Variants in TCP1 observed in about 807,000 individuals in gnomAD.
TCP1 encodes the protein T-complex protein 1 subunit alpha.
In TCP1, 6 loss-of-function variants were observed where a neutral mutation model predicts 54.7. That is an observed-to-expected ratio of 0.11 (90% CI 0.06 to 0.22). The LOEUF (loss-of-function observed/expected upper bound fraction) is 0.22, where lower values mean the gene tolerates loss of function less well. Ranked by LOEUF, TCP1 falls within the 10% of genes least tolerant of loss-of-function variation. The pLI is 1.00. For missense variants in TCP1, 511 were observed against 678.2 expected, an observed-to-expected ratio of 0.75 and a Z score of 2.74; for synonymous variants, 225 against 229.7, an observed-to-expected ratio of 0.98 and a Z score of 0.19.
intron 3 of TCP1, among the ~76,000 whole-genome samples, chr6:159,787,149 G>A (rs1241971184): frequency 6.6e-6 from 1 of 151,820 alleles, no homozygotes; most frequent in Admixed American, 6.6e-5. Flanking sequence ...AGCACTCTGG[G>A]AGGCTAAGGC....
chr6:159,789,336 G>T, intron 1 of TCP1, 69 bp downstream of exon 1: 1 of 1,583,494 alleles, frequency 6.3e-7, no homozygotes, highest in Non-Finnish European at 8.6e-7. Context: ...GAGGGCAGCC[G>T]GGGTCCGGTC....
At position 159,780,132 on chromosome 6, in the gene TCP1, ATTT is replaced by A. The variant is rs752669563; in HGVS notation, c.1098-48_1098-46del. On this transcript the variant is annotated intron_variant, in intron 9 of 11. Transcript: ENST00000321394. ...AATTCTTGTAATAGCATTTTTAAAA[ATTT>A]TTTTTTGCCAAGACCATCAATTTCT... The A allele has an allele frequency of 5.7e-6, 9 of 1,569,484 alleles. No homozygotes were observed. In the South Asian group the frequency reaches 5.9e-5, roughly 10 times the overall value.
chr6:159,784,932 TC>T, intron 5 of TCP1, 85 bp from the exon 6 acceptor site: 1 of 1,315,900 alleles, frequency 7.6e-7, no homozygotes, highest in Non-Finnish European at 1.1e-6. Flanking sequence ...TCAAGGGACT[TC>T]CTTTTAGTAA....
At chr6:159,789,014 A>C in intron 1 of TCP1, 2 of 188,842 alleles carry the variant, frequency 1.1e-5, no homozygotes, top group East Asian at 1.4e-4. Flanking sequence ...TTTTTCTGGT[A>C]AATGGTCCTA....
chr6:159,782,858 C>T (rs1780609026), intron 7 of TCP1, among the ~76,000 whole-genome samples: 1 of 152,150 alleles, frequency 6.6e-6, no homozygotes, highest in Non-Finnish European at 1.5e-5. Flanking sequence ...AGCCTTCCAT[C>T]CCCGAAAGCA....
At position 159,779,700 on chromosome 6, in the gene TCP1, T is replaced by C; in HGVS notation, c.1381A>G (p.Thr461Ala). ...TLAVNAAQDS[T>A]DLVAKLRAFH... is the part of the protein sequence containing the mutation. ...GCTCTTAATTTTGCAACCAGATCTG[T>C]GGAGTCCTGGGCAGCATTAACTGCT... The change falls in exon 11 of 12, where the codon ACA becomes GCA. Residue 461 changes from threonine (T) to alanine (A), a missense_variant. By Grantham distance (58) the Thr-to-Ala change is moderately conservative. Around this residue, in one of 5 missense-constraint regions of TCP1, gnomAD observed 88 missense variants for 153.1 expected, o/e 0.57. Coordinates refer to ENST00000321394, the MANE Select transcript of TCP1 (RefSeq NM_030752.3). The C allele has an allele frequency of 6.2e-7, 1 of 1,613,482 alleles. No individual in the cohort carries two copies. Among genetic ancestry groups the C allele is most frequent in the South Asian group, 1.1e-5 (1 of 90,948 alleles).
chr6:159,789,288 G>T, intron 1 of TCP1, 117 bp downstream of exon 1: 2 of 1,208,640 alleles, frequency 1.7e-6, no homozygotes, highest in Non-Finnish European at 2.3e-6. Flanking sequence ...CGGCTGCGGG[G>T]CCCCGAGGCC....
Position 159,779,642 on chromosome 6 carries a change from C to A in TCP1, c.1439G>T (p.Arg480Leu). The A allele has an allele frequency of 6.2e-7, 1 of 1,602,094 alleles. No individual in the cohort carries two copies. Among genetic ancestry groups the A allele is most frequent in the African/African-American group, 1.4e-5 (1 of 74,034 alleles). Residue 480 changes from arginine to leucine, a missense_variant, in exon 11 of 12, where the codon CGT becomes CTT. Physicochemically the swap from Arg to Leu is moderately radical, Grantham distance 102. This residue lies in a region of TCP1 where 88 missense variants were observed against 153.1 expected (regional missense o/e 0.57). Transcript: ENST00000321394. Reference sequence around the variant, plus strand: ...CCATGCTTACCATTTTAGATTTTTACGTTCTGGGTTAACCTGGGCCTCATT... The same window carrying A: ...CCATGCTTACCATTTTAGATTTTTAAGTTCTGGGTTAACCTGGGCCTCATT... ...FHNEAQVNPERKNLKWIGLDL... is the reference protein window; with the variant it reads ...FHNEAQVNPELKNLKWIGLDL...
In TCP1 at chr6:159,789,488, G is replaced by C. The variant is rs199675803; in HGVS notation, c.-20C>G. On this transcript the variant is annotated 5_prime_UTR_variant, in exon 1 of 12. Coordinates refer to ENST00000321394, the MANE Select transcript of TCP1 (RefSeq NM_030752.3). ...CTCCATCTTGACGGCAGCGATACAC[G>C]TCGAATTCTGCTTACACCGCGGGCA... 5.0e-6 allele frequency: 8 copies of C among 1,613,744 alleles called. No individual in the cohort carries two copies. The Admixed American group carries it at 1.3e-4, about 27-fold the overall frequency.
chr6:159,779,481 T>G lies in TCP1; in HGVS notation c.1454+146A>C, dbSNP rs562137987. 12 of 1,186,828 alleles carry G rather than the reference T, an allele frequency of 1.0e-5. No homozygotes were observed. The East Asian group carries it at 2.9e-4, about 29-fold the overall frequency. The allele number at this position is 1,186,828 out of a possible 1,614,324, so 73.5% of individuals were successfully genotyped here. ...TCATTATCCCTTGAATTACAGTGAC[T>G]GAACAACAAATGCTTGCTGTGAAGT... On this transcript the variant is annotated intron_variant, in intron 11 of 11. Transcript: ENST00000321394.
intron 1 of TCP1, 179 bp downstream of exon 1, chr6:159,789,226 G>A (rs1780785823): frequency 4.7e-6 from 3 of 644,312 alleles, no homozygotes; most frequent in Admixed American, 3.0e-5. Context: ...CTCGCTGTGG[G>A]AAAAGTGGGG....
In TCP1 at chr6:159,789,560, G is replaced by T; in HGVS notation, c.-92C>A. ...CCGACCGGCGACCACAGCAGTGGCTGCGACGGCGTGGAGCGTACCCGAGCG... is the reference window on the plus strand; with the variant it reads ...CCGACCGGCGACCACAGCAGTGGCTTCGACGGCGTGGAGCGTACCCGAGCG... On this transcript the variant is annotated 5_prime_UTR_variant, in exon 1 of 12. Coordinates refer to ENST00000321394, the MANE Select transcript of TCP1 (RefSeq NM_030752.3). 2 of 1,471,744 alleles carry T rather than the reference G, an allele frequency of 1.4e-6. No homozygotes were observed. The highest frequency in any genetic ancestry group is 1.9e-6 in the Non-Finnish European group (2 of 1,064,794). 91.2% of individuals were successfully genotyped at this position (1,471,744 alleles called of 1,614,324 possible).
chr6:159,785,316 T>C, intron 5 of TCP1, 70 bp downstream of exon 5: 1 of 1,192,036 alleles, frequency 8.4e-7, no homozygotes, highest in Non-Finnish European at 1.2e-6. Flanking sequence ...TACAGGCACA[T>C]ACCACCATGC....
Position 159,779,093 on chromosome 6 carries a change from T to C in TCP1, c.1623A>G (p.Lys541=). Residue 541 remains lysine (K), a synonymous_variant, in exon 12 of 12, where the codon AAA becomes AAG. Coordinates refer to ENST00000321394, the MANE Select transcript of TCP1 (RefSeq NM_030752.3). ...GAACAGCATCTTCATAACTTCCATGTTTATCATCTTTACTTTCTGGATGTA... is the reference window on the plus strand; with the variant it reads ...GAACAGCATCTTCATAACTTCCATGCTTATCATCTTTACTTTCTGGATGTA... The part of the protein sequence containing the change: ...IKLHPESKDD[K]HGSYEDAVHS... 1 of 1,614,118 alleles carries C rather than the reference T, an allele frequency of 6.2e-7. No homozygotes were observed. Among genetic ancestry groups the C allele is most frequent in the Non-Finnish European group, 8.5e-7 (1 of 1,179,980 alleles).
intron 5 of TCP1, chr6:159,785,174 G>A (rs537446857): frequency 4.8e-5 from 29 of 605,056 alleles, no homozygotes; most frequent in East Asian, 3.9e-4. Flanking sequence ...CTGCTACTAC[G>A]CACGCGTGCG....
rs756814026 is a variant in TCP1, at chr6:159,781,069, G to A, written c.839C>T (p.Ala280Val). The change falls in exon 8 of 12, where the codon GCA becomes GTA. Residue 280 changes from alanine to valine, a missense_variant. Ala to Val is a moderately conservative substitution (Grantham distance 64). Transcript: ENST00000321394. ...GGTTAGAATAACATTGGCACCAGTTGCCAGGATCTTCTGAATTCTCTCCTT... is the reference window on the plus strand; with the variant it reads ...GGTTAGAATAACATTGGCACCAGTTACCAGGATCTTCTGAATTCTCTCCTT... ...ITKERIQKIL[A>V]TGANVILTTG... The A allele has an allele frequency of 3.1e-6, 5 of 1,610,550 alleles. No homozygotes were observed. In the Admixed American group the frequency reaches 8.5e-5, roughly 27 times the overall value.
At chr6:159,789,194 GCCGCGCGCGGCGGGGCTCCT>G in intron 1 of TCP1, 191 bp downstream of exon 1, 1 of 561,918 alleles carries the variant, frequency 1.8e-6, no homozygotes. Flanking sequence ...TCAAAACCCT[GCCGCGCGCGGCGGGGCTCCT>G]CCTCGCTGTG....
chr6:159,786,070 A>C, intron 3 of TCP1, 73 bp from the exon 4 acceptor site: 1 of 1,209,838 alleles, frequency 8.3e-7, no homozygotes, highest in Non-Finnish European at 1.2e-6. Flanking sequence ...AATGACACTA[A>C]AATGGCCATA....
rs1780658666 is a variant in TCP1 at position 159,784,968 on chromosome 6, T to C, written c.489-121A>G. On this transcript the variant is annotated intron_variant, in intron 5 of 11. Coordinates refer to ENST00000321394, the MANE Select transcript of TCP1 (RefSeq NM_030752.3). ...ATCTAATCTATTAAAGCAGCAAGCA[T>C]TACTTGTCACCAAAATGTTACAACA... 9 of 935,734 alleles carry C rather than the reference T, an allele frequency of 9.6e-6. No homozygotes were observed. In the Admixed American group the frequency reaches 1.6e-4, roughly 16 times the overall value. The allele number at this position is 935,734 out of a possible 1,614,324, so 58.0% of individuals were successfully genotyped here. A position where few individuals can be genotyped will look rare whatever the true frequency, so the allele number is the denominator to read the frequency against.
Sources: gnomAD v4.1 joint callset for allele counts (sites outside exome capture counted in the v4.1 genomes callset) on GRCh38, gnomAD v4.1.1 for gene constraint, gnomAD v4.1.1 regional missense constraint, MANE v1.5 for transcripts, NCBI Gene and HGNC (gene_info 2026-07-23, HGNC 2026-07-21) for gene names.